GAREM1: variants seen among roughly 807,000 people sequenced by gnomAD.
The protein encoded by GAREM1 is GRB2 associated regulator of MAPK1 subtype 1, also known as GRB2-associated and regulator of MAPK protein 1.
GAREM1 carries 26 observed loss-of-function variants against 71.3 expected under a neutral mutation model. The ratio of observed to expected loss-of-function variants is 0.36; its 90% CI spans 0.27 to 0.51. GAREM1 has a LOEUF of 0.51. Among genes scored for constraint, GAREM1 ranks in the 20% least tolerant of loss-of-function variants. The pLI, the probability that GAREM1 is intolerant of heterozygous loss-of-function variation, is 0.95. For synonymous variants in GAREM1, 440 were observed against 433.2 expected (o/e 1.02, Z -0.20); for missense variants, 1,026 against 1,103.1 (o/e 0.93, Z 0.99).
intron 2 of GAREM1, among the ~76,000 whole-genome samples, chr18:32,349,335 T>C (rs768119193): frequency 5.9e-5 from 9 of 152,182 alleles, no homozygotes; most frequent in Non-Finnish European, 1.0e-4. Flanking sequence ...CCTTCAATCA[T>C]AGCCATCTCT....
At chr18:32,430,306 A>C (rs1174863156) in intron 1 of GAREM1, among the ~76,000 whole-genome samples, 1 of 152,222 alleles carries the variant, frequency 6.6e-6, no homozygotes, top group Non-Finnish European at 1.5e-5. Flanking sequence ...ACAGGCATGA[A>C]GGGAGCTGTC....
At chr18:32,353,710 C>G (rs1332858666) in intron 2 of GAREM1, among the ~76,000 whole-genome samples, 1 of 152,182 alleles carries the variant, frequency 6.6e-6, no homozygotes, top group Non-Finnish European at 1.5e-5. Context: ...CATACCACCA[C>G]TGGCAGGTGA....
At chr18:32,406,861 A>C (rs1423267245) in intron 1 of GAREM1, among the ~76,000 whole-genome samples, 3 of 152,192 alleles carry the variant, frequency 2.0e-5, no homozygotes, top group African/African-American at 4.8e-5. Flanking sequence ...CTGAAGAGGA[A>C]GGAACAGACA....
At chr18:32,457,218 AGAGAGAGAGT>A (rs1323184696) in intron 1 of GAREM1, among the ~76,000 whole-genome samples, 5 of 111,624 alleles carry the variant, frequency 4.5e-5, no homozygotes, top group African/African-American at 1.8e-4. Flanking sequence ...AGAGAGAGAG[AGAGAGAGAGT>A]GTGTGTGTGT....
At chr18:32,303,795 C>T (rs187573144) in intron 3 of GAREM1, among the ~76,000 whole-genome samples, 42 of 152,062 alleles carry the variant, frequency 2.8e-4, no homozygotes, top group Non-Finnish European at 5.0e-4. Context: ...GTGGTGCATG[C>T]CTGTAGTCCT....
intron 4 of GAREM1, among the ~76,000 whole-genome samples, chr18:32,281,826 C>A (rs543186292): frequency 6.6e-6 from 1 of 152,272 alleles, no homozygotes; most frequent in East Asian, 1.9e-4. Flanking sequence ...GTGACTTGCA[C>A]GTATATGCCC....
chr18:32,444,507 C>A (rs1440585115), intron 1 of GAREM1, among the ~76,000 whole-genome samples: 1 of 152,080 alleles, frequency 6.6e-6, no homozygotes, highest in African/African-American at 2.4e-5. Flanking sequence ...TGCCAGATAT[C>A]AAAATACAGC....
intron 4 of GAREM1, among the ~76,000 whole-genome samples, chr18:32,283,471 C>T (rs750330543): frequency 2.0e-5 from 3 of 152,010 alleles, no homozygotes; most frequent in Admixed American, 6.5e-5. Flanking sequence ...CACTTGAACC[C>T]GGGAGACGGA....
intron 3 of GAREM1, among the ~76,000 whole-genome samples, chr18:32,291,387 G>A (rs185336060): frequency 6.6e-6 from 1 of 151,472 alleles, no homozygotes; most frequent in East Asian, 1.9e-4. Flanking sequence ...TTACTTACTG[G>A]AGCTAGGGAC....
At chr18:32,440,891 C>A (rs2048729768) in intron 1 of GAREM1, among the ~76,000 whole-genome samples, 1 of 152,196 alleles carries the variant, frequency 6.6e-6, no homozygotes, top group Non-Finnish European at 1.5e-5. Flanking sequence ...TTCACATATA[C>A]ATTTTTGTCT....
At chr18:32,402,691 T>A (rs1422269467) in intron 1 of GAREM1, among the ~76,000 whole-genome samples, 3 of 152,140 alleles carry the variant, frequency 2.0e-5, no homozygotes, top group African/African-American at 7.2e-5. Flanking sequence ...CAACTCAAAA[T>A]CCTTGTTAAT....
intron 2 of GAREM1, among the ~76,000 whole-genome samples, chr18:32,370,438 A>G (rs1022886995): frequency 6.6e-6 from 1 of 151,384 alleles, no homozygotes; most frequent in South Asian, 2.1e-4. Context: ...AAAAAAAAAA[A>G]GCGTAAGGTG....
intron 3 of GAREM1, among the ~76,000 whole-genome samples, chr18:32,298,377 T>C (rs1328591792): frequency 6.6e-6 from 1 of 152,194 alleles, no homozygotes; most frequent in African/African-American, 2.4e-5. Flanking sequence ...TTTCTACAGA[T>C]GTAATTTATT....
At chr18:32,409,956 C>T (rs1443272790) in intron 1 of GAREM1, among the ~76,000 whole-genome samples, 3 of 152,154 alleles carry the variant, frequency 2.0e-5, no homozygotes, top group Non-Finnish European at 4.4e-5. Context: ...CATTAAACTA[C>T]AATATAGAGA....
chr18:32,442,487 C>T (rs1033228796), intron 1 of GAREM1, among the ~76,000 whole-genome samples: 1 of 151,968 alleles, frequency 6.6e-6, no homozygotes, highest in Non-Finnish European at 1.5e-5. Context: ...GCAGTATCAC[C>T]AAATGCTAAA....
chr18:32,434,784 C>T (rs753084832), intron 1 of GAREM1, among the ~76,000 whole-genome samples: 4 of 152,056 alleles, frequency 2.6e-5, no homozygotes, highest in Non-Finnish European at 4.4e-5. Context: ...TAAGATCCAA[C>T]GGTGAATGCT....
Position 32,265,212 on chromosome 18 carries a change from T to C in GAREM1, c.*2659A>G, listed in dbSNP as rs1214283854. ...AATTTCATTTATTTGTGGCATTTAT[T>C]TGTGACAGAAGATATTTATTACAAT... On this transcript the variant is annotated 3_prime_UTR_variant, in exon 6 of 6. Transcript: ENST00000269209. 4 of 152,234 alleles carry C rather than the reference T, an allele frequency of 2.6e-5. No homozygotes were observed. Among genetic ancestry groups the C allele is most frequent in the Non-Finnish European group, 5.9e-5 (4 of 68,096 alleles). The allele number at this position is 152,234 out of a possible 1,614,324, so 9.4% of individuals were successfully genotyped here. A position where few individuals can be genotyped will look rare whatever the true frequency, so the allele number is the denominator to read the frequency against.
At chr18:32,425,073 C>A (rs563552680) in intron 1 of GAREM1, among the ~76,000 whole-genome samples, 1 of 152,246 alleles carries the variant, frequency 6.6e-6, no homozygotes, top group African/African-American at 2.4e-5. Context: ...TTGGCTCCTC[C>A]CCTCCACTAT....
intron 2 of GAREM1, among the ~76,000 whole-genome samples, chr18:32,368,399 T>C (rs2047945657): frequency 6.6e-6 from 1 of 152,226 alleles, no homozygotes; most frequent in Non-Finnish European, 1.5e-5. Context: ...TGCACTTCCA[T>C]GTACCTCTGG....
Sources: gnomAD v4.1 joint callset for allele counts (sites outside exome capture counted in the v4.1 genomes callset) on GRCh38, gnomAD v4.1.1 for gene constraint, MANE v1.5 for transcripts, NCBI Gene and HGNC (gene_info 2026-07-23, HGNC 2026-07-21) for gene names.